NBEA: variants seen among roughly 807,000 people sequenced by gnomAD.
NBEA encodes neurobeachin, also known as lysosomal-trafficking regulator 2.
In NBEA, 44 loss-of-function variants were observed where a neutral mutation model predicts 343.4. The observed-to-expected ratio is 0.13, with a 90% confidence interval of 0.10 to 0.16. The LOEUF (loss-of-function observed/expected upper bound fraction) is 0.16, where lower values mean the gene tolerates loss of function less well. Among genes scored for constraint, NBEA ranks in the 10% least tolerant of loss-of-function variants. The pLI is 1.00. For synonymous variants in NBEA, 1,175 were observed against 1,238.7 expected, an observed-to-expected ratio of 0.95 and a Z score of 1.08; for missense variants, 2,555 against 3,631.3, an observed-to-expected ratio of 0.70 and a Z score of 7.62.
At chr13:35,662,251 A>T (rs1306541019) in intron 55 of NBEA, among the ~76,000 whole-genome samples, 1 of 152,130 alleles carries the variant, frequency 6.6e-6, no homozygotes, top group South Asian at 2.1e-4. Flanking sequence ...TAAAAATTGG[A>T]CGTGTTTGTT....
At chr13:35,059,490 A>T (rs926569126) in intron 8 of NBEA, among the ~76,000 whole-genome samples, 1 of 151,916 alleles carries the variant, frequency 6.6e-6, no homozygotes. Context: ...AGGGGAGTAT[A>T]TAAGGGTTCT....
intron 40 of NBEA, among the ~76,000 whole-genome samples, chr13:35,464,798 T>C (rs1373641934): frequency 6.6e-6 from 1 of 152,122 alleles, no homozygotes; most frequent in African/African-American, 2.4e-5. Context: ...ATTATTCTTG[T>C]GTATTCTTTA....
intron 1 of NBEA, among the ~76,000 whole-genome samples, chr13:35,010,285 G>A (rs1031304111): frequency 1.4e-4 from 22 of 152,148 alleles, no homozygotes; most frequent in Admixed American, 5.9e-4. Flanking sequence ...GGCTGAGGAG[G>A]ACTCAATAAA....
intron 32 of NBEA, among the ~76,000 whole-genome samples, chr13:35,210,593 C>A (rs2073705066): frequency 6.6e-6 from 1 of 152,082 alleles, no homozygotes; most frequent in Non-Finnish European, 1.5e-5. Context: ...TCATTATAGC[C>A]CTTCTTAAGC....
intron 1 of NBEA, among the ~76,000 whole-genome samples, chr13:34,993,698 A>G (rs1299816198): frequency 6.6e-6 from 1 of 152,222 alleles, no homozygotes; most frequent in African/African-American, 2.4e-5. Flanking sequence ...TAGTGCCGAC[A>G]GGCTATAATG....
At chr13:34,948,189 T>C (rs909097595) in intron 1 of NBEA, among the ~76,000 whole-genome samples, 5 of 152,206 alleles carry the variant, frequency 3.3e-5, no homozygotes, top group African/African-American at 1.2e-4. Context: ...TTTCCTTTGA[T>C]GACTCACTTA....
intron 1 of NBEA, among the ~76,000 whole-genome samples, chr13:34,998,105 A>C (rs1264245676): frequency 6.6e-6 from 1 of 152,084 alleles, no homozygotes; most frequent in Non-Finnish European, 1.5e-5. Flanking sequence ...AAAGGGAGAA[A>C]TTTTAAAGCT....
chr13:35,143,589 C>G (rs1303269234), intron 18 of NBEA, among the ~76,000 whole-genome samples: 1 of 152,078 alleles, frequency 6.6e-6, no homozygotes, highest in East Asian at 1.9e-4. Flanking sequence ...TAATATTATT[C>G]CTAACTCAGA....
intron 20 of NBEA, among the ~76,000 whole-genome samples, chr13:35,156,643 G>T (rs1223871615): frequency 2.0e-5 from 3 of 152,138 alleles, no homozygotes; most frequent in Non-Finnish European, 4.4e-5. Context: ...CTCTGGGGTA[G>T]TCATTGCCTG....
At chr13:35,013,572 G>A (rs904179795) in intron 1 of NBEA, among the ~76,000 whole-genome samples, 12 of 151,870 alleles carry the variant, frequency 7.9e-5, no homozygotes, top group Non-Finnish European at 1.8e-4. Flanking sequence ...CCAGGTTCAG[G>A]CGATTCTCCT....
At chr13:35,087,957 G>C (rs1027093367) in intron 10 of NBEA, among the ~76,000 whole-genome samples, 1 of 151,880 alleles carries the variant, frequency 6.6e-6, no homozygotes, top group African/African-American at 2.4e-5. Flanking sequence ...TTGGAGTAAA[G>C]GGGTTGGTAC....
Position 35,155,711 on chromosome 13 carries a change from C to A in NBEA, c.2446-63C>A, listed in dbSNP as rs1394769607. On this transcript the variant is annotated intron_variant, in intron 18 of 58. Coordinates refer to ENST00000379939, the MANE Select transcript of NBEA (RefSeq NM_001385012.1). Reference sequence around the variant, plus strand: ...TTTCTTTTGCAGGTTCATTGTATATCTATATTTTGCAATTATTATTTAAAT... The same window carrying A: ...TTTCTTTTGCAGGTTCATTGTATATATATATTTTGCAATTATTATTTAAAT... The A allele has an allele frequency of 4.8e-6, 6 of 1,254,530 alleles. No individual in the cohort carries two copies. The South Asian group carries it at 7.3e-5, about 15-fold the overall frequency. The allele number at this position is 1,254,530 out of a possible 1,614,324, so 77.7% of individuals were successfully genotyped here.
At chr13:35,670,484 A>G (rs2153089745) in intron 58 of NBEA, among the ~76,000 whole-genome samples, 2 of 152,314 alleles carry the variant, frequency 1.3e-5, no homozygotes, top group East Asian at 3.9e-4. Context: ...CCGAGAGGAC[A>G]AGAGGTGGAG....
At chr13:34,956,626 C>T (rs543025888) in intron 1 of NBEA, among the ~76,000 whole-genome samples, 20 of 152,230 alleles carry the variant, frequency 1.3e-4, no homozygotes, top group African/African-American at 4.3e-4. Context: ...TTAGCATGTC[C>T]ATCACCTCAA....
intron 38 of NBEA, among the ~76,000 whole-genome samples, chr13:35,428,576 T>G (rs2044869125): frequency 6.6e-6 from 1 of 152,212 alleles, no homozygotes. Flanking sequence ...CTTCTTTACA[T>G]CTTCTGTTTC....
At chr13:35,641,508 T>C (rs2083945030) in intron 49 of NBEA, among the ~76,000 whole-genome samples, 1 of 152,108 alleles carries the variant, frequency 6.6e-6, no homozygotes. Context: ...ATGAACAAAC[T>C]ACCGATACAT....
intron 40 of NBEA, among the ~76,000 whole-genome samples, chr13:35,468,810 G>A (rs1377666847): frequency 3.7e-4 from 57 of 152,076 alleles, no homozygotes; most frequent in Admixed American, 3.5e-3. Flanking sequence ...ATATAAAAGA[G>A]TTTTGTGGCC....
chr13:35,149,038 C>G (rs950540487), intron 18 of NBEA, among the ~76,000 whole-genome samples: 1 of 152,154 alleles, frequency 6.6e-6, no homozygotes, highest in Non-Finnish European at 1.5e-5. Context: ...GTGAGGAAAT[C>G]TACTGACTGC....
At position 35,159,182 on chromosome 13, in the gene NBEA, A is replaced by G. The variant is rs2069383934; in HGVS notation, c.3011A>G (p.Glu1004Gly). Residue 1004 changes from glutamate to glycine, a missense_variant, in exon 22 of 59, where the codon GAA becomes GGA. Coordinates refer to ENST00000379939, the MANE Select transcript of NBEA (RefSeq NM_001385012.1). ...AKGGMEIREI[E>G]DLSQSQSPES... ...GGTGGAATGGAAATTCGAGAGATAG[A>G]AGATCTTTCACAAAGCCAGAGCCCA... The G allele has an allele frequency of 6.2e-7, 1 of 1,613,600 alleles. No homozygotes were observed. The highest frequency in any genetic ancestry group is 1.3e-5 in the African/African-American group (1 of 75,032).
Sources: allele counts gnomAD v4.1 joint callset (sites outside exome capture counted in the v4.1 genomes callset), GRCh38; gene constraint gnomAD v4.1.1; transcripts MANE v1.5; gene names NCBI Gene and HGNC (gene_info 2026-07-23, HGNC 2026-07-21).